ZBTB16: variants seen among roughly 807,000 people sequenced by gnomAD.
ZBTB16 encodes zinc finger and BTB domain-containing protein 16.
Under a neutral mutation model 56.8 loss-of-function variants are expected in ZBTB16, and 8 were observed. That is an observed-to-expected ratio of 0.14 (90% CI 0.08 to 0.25). The LOEUF (loss-of-function observed/expected upper bound fraction) is 0.25, where lower values mean the gene tolerates loss of function less well. Ranked by LOEUF, ZBTB16 falls within the 10% of genes least tolerant of loss-of-function variation. The pLI is 1.00. For synonymous variants in ZBTB16, 363 were observed against 368.5 expected (o/e 0.98, Z 0.17); for missense variants, 625 against 903.0 (o/e 0.69, Z 3.95).
chr11:114,245,933 C>T (rs7116447), intron 5 of ZBTB16, among the ~76,000 whole-genome samples: 5,205 of 152,182 alleles, frequency 0.034, 300 homozygotes, highest in African/African-American at 0.12. Context: ...TGAACAAAGT[C>T]TGGGGTGATC....
At chr11:114,164,801 C>A (rs1042404095) in intron 3 of ZBTB16, among the ~76,000 whole-genome samples, 3 of 152,152 alleles carry the variant, frequency 2.0e-5, no homozygotes, top group East Asian at 1.9e-4. Flanking sequence ...GCGGCCCTTA[C>A]TTTCAGTGCT....
At chr11:114,162,951 C>T (rs148829341) in intron 3 of ZBTB16, among the ~76,000 whole-genome samples, 2 of 152,154 alleles carry the variant, frequency 1.3e-5, no homozygotes, top group Non-Finnish European at 2.9e-5. Flanking sequence ...CACTGGCCTG[C>T]CGGCAGGTCT....
Position 114,247,325 on chromosome 11 carries a change from C to T in ZBTB16, c.1752C>T (p.Ser584=). 6.2e-7 allele frequency: 1 copy of T among 1,614,256 alleles called. No individual in the cohort carries two copies. The highest frequency in any genetic ancestry group is 8.5e-7 in the Non-Finnish European group (1 of 1,180,044). ...YECNGCGKKF[S]LKHQLETHYR... Reference sequence around the variant, plus strand: ...GCAATGGCTGTGGCAAGAAGTTCAGCCTCAAGCATCAGCTGGAGACGCACT... The same window carrying T: ...GCAATGGCTGTGGCAAGAAGTTCAGTCTCAAGCATCAGCTGGAGACGCACT... Residue 584 remains serine, a synonymous_variant, in exon 6 of 7, where the codon AGC becomes AGT. Transcript: ENST00000335953.
At chr11:114,095,169 C>T (rs1940335642) in intron 2 of ZBTB16, among the ~76,000 whole-genome samples, 1 of 150,904 alleles carries the variant, frequency 6.6e-6, no homozygotes, top group Non-Finnish European at 1.5e-5. Context: ...CAGTCTCAGT[C>T]AATGCGCTCT....
intron 4 of ZBTB16, among the ~76,000 whole-genome samples, chr11:114,197,434 ACT>A (rs1943635055): frequency 6.6e-6 from 1 of 150,634 alleles, no homozygotes; most frequent in Non-Finnish European, 1.5e-5. Flanking sequence ...TCTTCCCCCC[ACT>A]CTCTGTTTCT....
chr11:114,159,940 G>GA (rs1555145934), intron 3 of ZBTB16, among the ~76,000 whole-genome samples: 1 of 148,062 alleles, frequency 6.8e-6, no homozygotes, highest in Non-Finnish European at 1.5e-5. Flanking sequence ...GGGGAGGCGG[G>GA]GGGGAGGCGA....
chr11:114,219,016 G>A (rs765788873), intron 4 of ZBTB16, among the ~76,000 whole-genome samples: 4 of 150,000 alleles, frequency 2.7e-5, no homozygotes, highest in Middle Eastern at 3.4e-3. Flanking sequence ...AGTGAGAGCC[G>A]TGTGTGTGTG....
intron 2 of ZBTB16, among the ~76,000 whole-genome samples, chr11:114,086,390 G>A (rs1436979507): frequency 2.0e-5 from 3 of 152,038 alleles, no homozygotes; most frequent in Non-Finnish European, 1.5e-5. Flanking sequence ...AGCGCTGTCT[G>A]TCTGTCTTGG....
Position 114,226,752 on chromosome 11 carries a change from C to T in ZBTB16, c.1454-15415C>T, listed in dbSNP as rs940369907. On this transcript the variant is annotated intron_variant, in intron 4 of 6. Transcript: ENST00000335953. Reference sequence around the variant, plus strand: ...GAACTCCAGCCAGATGCCTACCAGACACTCGTCTTCCTTCCCTGAAACTGA... The same window carrying T: ...GAACTCCAGCCAGATGCCTACCAGATACTCGTCTTCCTTCCCTGAAACTGA... Among the ~76,000 whole-genome samples the T allele has an allele frequency of 2.6e-5, 4 of 152,170 alleles. No homozygotes were observed. The South Asian group carries it at 8.3e-4, about 32-fold the overall frequency.
intron 4 of ZBTB16, among the ~76,000 whole-genome samples, chr11:114,200,133 AAAAAAAAG>A (rs1943703685): frequency 6.9e-6 from 1 of 143,894 alleles, no homozygotes; most frequent in African/African-American, 2.5e-5. Flanking sequence ...GTCTCAAAAA[AAAAAAAAG>A]AAAAAAAGAA....
chr11:114,167,671 G>C, intron 3 of ZBTB16, among the ~76,000 whole-genome samples: 2 of 151,868 alleles, frequency 1.3e-5, no homozygotes, highest in Middle Eastern at 6.8e-3. Context: ...CTCTCCCAGC[G>C]ACCCCTCCTT....
chr11:114,062,208 AT>A (rs1938906800), intron 1 of ZBTB16, among the ~76,000 whole-genome samples: 1 of 150,880 alleles, frequency 6.6e-6, no homozygotes, highest in Admixed American at 6.6e-5. Context: ...GTTTCAAGTG[AT>A]TCTCCTGCCT....
chr11:114,182,607 C>G (rs919463506), intron 3 of ZBTB16, among the ~76,000 whole-genome samples: 1 of 152,184 alleles, frequency 6.6e-6, no homozygotes, highest in South Asian at 2.1e-4. Context: ...TCTCCCTACT[C>G]CAGGTTGAGC....
At chr11:114,172,430 T>G (rs575284463) in intron 3 of ZBTB16, among the ~76,000 whole-genome samples, 10 of 152,302 alleles carry the variant, frequency 6.6e-5, no homozygotes, top group African/African-American at 2.4e-4. Flanking sequence ...CCATTTCAAG[T>G]TGGTACTGTT....
intron 4 of ZBTB16, among the ~76,000 whole-genome samples, chr11:114,210,240 T>C (rs1220273393): frequency 6.6e-6 from 1 of 152,022 alleles, no homozygotes; most frequent in East Asian, 1.9e-4. Context: ...CCCAAGCATT[T>C]ACTCTCCTCT....
intron 3 of ZBTB16, among the ~76,000 whole-genome samples, chr11:114,165,474 C>T (rs1942722957): frequency 6.6e-6 from 1 of 152,248 alleles, no homozygotes; most frequent in South Asian, 2.1e-4. Context: ...CTCACATACT[C>T]ATGCCCTAGC....
intron 4 of ZBTB16, among the ~76,000 whole-genome samples, chr11:114,240,206 T>C (rs1431454996): frequency 6.6e-6 from 1 of 151,984 alleles, no homozygotes; most frequent in Non-Finnish European, 1.5e-5. Flanking sequence ...TCAGGGTGGG[T>C]GTGAGGGGCA....
intron 2 of ZBTB16, among the ~76,000 whole-genome samples, chr11:114,128,890 A>G (rs1941587932): frequency 6.6e-6 from 1 of 152,304 alleles, no homozygotes; most frequent in African/African-American, 2.4e-5. Flanking sequence ...CCAGGGAGAG[A>G]TAGAGTCTCC....
chr11:114,158,750 C>T lies in ZBTB16; in HGVS notation c.1366+2316C>T, dbSNP rs141553513. Among the ~76,000 whole-genome samples, 414 of 152,244 alleles carry T rather than the reference C, an allele frequency of 2.7e-3. 4 individuals are homozygous for T. The highest frequency in any genetic ancestry group is 0.011 in the South Asian group (51 of 4,818). On this transcript the variant is annotated intron_variant, in intron 3 of 6. Coordinates refer to ENST00000335953, the MANE Select transcript of ZBTB16 (RefSeq NM_006006.6). The stretch of plus-strand genomic sequence containing the variant: ...TATCTCGGAGAAGCTGTGAGGCTCA[C>T]CTTGAATACATACCACCATAGCTAA...
Sources: allele counts gnomAD v4.1 joint callset (sites outside exome capture counted in the v4.1 genomes callset), GRCh38; gene constraint gnomAD v4.1.1; transcripts MANE v1.5; gene names NCBI Gene and HGNC (gene_info 2026-07-23, HGNC 2026-07-21).